Variants in LRRC4C observed in about 807,000 individuals in gnomAD.
LRRC4C encodes leucine-rich repeat-containing protein 4C.
A neutral mutation model predicts 33.6 loss-of-function variants in LRRC4C; 5 were observed. The observed-to-expected ratio is 0.15, with a 90% confidence interval of 0.08 to 0.31. LRRC4C has a LOEUF of 0.31. Ranked by LOEUF, LRRC4C falls within the 10% of genes least tolerant of loss-of-function variation. The probability of loss-of-function intolerance (pLI) is 1.00; values close to 1 mark genes in which losing one functional copy is unlikely to be tolerated. For missense variants in LRRC4C, 560 were observed against 796.7 expected, an observed-to-expected ratio of 0.70 and a Z score of 3.58; for synonymous variants, 329 against 302.0, an observed-to-expected ratio of 1.09 and a Z score of -0.93.
intron 1 of LRRC4C, among the ~76,000 whole-genome samples, chr11:41,051,543 A>AAAAAAAAAAAAAAAAAAAG (rs1858219454): frequency 9.2e-6 from 1 of 108,132 alleles, no homozygotes; most frequent in Non-Finnish European, 2.0e-5. Context: ...AAAAAAAAAA[A>AAAAAAAAAAAAAAAAAAAG]AAAAAAAAAA....
intron 1 of LRRC4C, among the ~76,000 whole-genome samples, chr11:41,211,025 G>A (rs1946799605): frequency 6.6e-6 from 1 of 152,148 alleles, no homozygotes; most frequent in East Asian, 1.9e-4. Flanking sequence ...AGGAGGCAGA[G>A]CTCTGGCAGC....
chr11:40,283,878 A>G (rs770111347), intron 4 of LRRC4C, among the ~76,000 whole-genome samples: 7 of 151,440 alleles, frequency 4.6e-5, no homozygotes, highest in Non-Finnish European at 7.4e-5. Flanking sequence ...TTCATTTTGC[A>G]TATTTAGTAG....
At chr11:40,675,948 A>G (rs1276794068) in intron 2 of LRRC4C, among the ~76,000 whole-genome samples, 1 of 152,188 alleles carries the variant, frequency 6.6e-6, no homozygotes, top group Non-Finnish European at 1.5e-5. Context: ...AAGTATAGTA[A>G]CTATGGTCTT....
At chr11:40,525,925 G>C (rs540384747) in intron 3 of LRRC4C, among the ~76,000 whole-genome samples, 2 of 152,238 alleles carry the variant, frequency 1.3e-5, no homozygotes, top group East Asian at 3.9e-4. Context: ...GACTAGAACA[G>C]ATTCACACAT....
At chr11:41,025,625 G>A (rs1423158629) in intron 1 of LRRC4C, among the ~76,000 whole-genome samples, 2 of 151,836 alleles carry the variant, frequency 1.3e-5, no homozygotes, top group African/African-American at 4.8e-5. Flanking sequence ...AAAAGTGCAA[G>A]GTGAAGCAGC....
intron 2 of LRRC4C, among the ~76,000 whole-genome samples, chr11:40,901,186 C>A (rs1032322882): frequency 6.6e-6 from 1 of 152,056 alleles, no homozygotes; most frequent in Non-Finnish European, 1.5e-5. Context: ...CCTTGACGTG[C>A]AGAAGCCACA....
chr11:41,149,455 A>G lies in LRRC4C; in HGVS notation c.-495-215732T>C, dbSNP rs189809200. Reference sequence around the variant, plus strand: ...AACCCGGGAGGCGGAGCTTGCAGTGAGCCGAGATCCCGCCACTGCACTCCA... The same window carrying G: ...AACCCGGGAGGCGGAGCTTGCAGTGGGCCGAGATCCCGCCACTGCACTCCA... On this transcript the variant is annotated intron_variant, in intron 1 of 6. Transcript: ENST00000528697. 6.2e-3 allele frequency among the ~76,000 whole-genome samples: 909 copies of G among 145,498 alleles called. 15 individuals are homozygous for G. The highest frequency in any genetic ancestry group is 0.022 in the African/African-American group (861 of 39,116).
intron 3 of LRRC4C, among the ~76,000 whole-genome samples, chr11:40,533,657 A>G (rs1023072331): frequency 6.6e-6 from 1 of 152,090 alleles, no homozygotes; most frequent in Non-Finnish European, 1.5e-5. Context: ...CTCACCCTCT[A>G]TTTCCAGAGA....
chr11:41,279,428 A>ACACACCCCC (rs58139193), intron 1 of LRRC4C, among the ~76,000 whole-genome samples: 52 of 140,888 alleles, frequency 3.7e-4, no homozygotes, highest in Admixed American at 1.9e-3. Context: ...ACACACACAC[A>ACACACCCCC]CCGTGGCAAT....
At chr11:40,884,296 C>G (rs1326804252) in intron 2 of LRRC4C, among the ~76,000 whole-genome samples, 2 of 152,200 alleles carry the variant, frequency 1.3e-5, no homozygotes, top group South Asian at 2.1e-4. Flanking sequence ...GCTACATTTT[C>G]TTTATCCAGT....
intron 3 of LRRC4C, among the ~76,000 whole-genome samples, chr11:40,553,584 T>A (rs567516741): frequency 6.6e-6 from 1 of 152,230 alleles, no homozygotes; most frequent in East Asian, 1.9e-4. Context: ...AATGGTAATA[T>A]CAGTTATTTT....
chr11:40,479,955 A>C (rs1267006072), intron 3 of LRRC4C, among the ~76,000 whole-genome samples: 1 of 152,190 alleles, frequency 6.6e-6, no homozygotes, highest in Non-Finnish European at 1.5e-5. Flanking sequence ...CCTTGCTTCT[A>C]CTGGATGTAT....
chr11:40,513,248 C>CAAAAAAA (rs1171178910), intron 3 of LRRC4C, among the ~76,000 whole-genome samples: 11 of 54,976 alleles, frequency 2.0e-4, no homozygotes, highest in East Asian at 1.1e-3. Context: ...GACTCCGTCT[C>CAAAAAAA]AAAAAAAAAA....
At chr11:40,356,915 T>C (rs1003164402) in intron 3 of LRRC4C, among the ~76,000 whole-genome samples, 1 of 152,174 alleles carries the variant, frequency 6.6e-6, no homozygotes, top group African/African-American at 2.4e-5. Flanking sequence ...GAAAGGCTGT[T>C]ATTGTTCCAT....
rs563111513 is a variant in LRRC4C, at chr11:40,230,358, C to A, written c.-96+11161G>T. ...CTGCTGCCTAGCAACTTGAAAATTGCCTTCTTATCCCACTAATTTGGGGTA... is the reference window on the plus strand; with the variant it reads ...CTGCTGCCTAGCAACTTGAAAATTGACTTCTTATCCCACTAATTTGGGGTA... On this transcript the variant is annotated intron_variant, in intron 5 of 6. Coordinates refer to ENST00000528697, the MANE Select transcript of LRRC4C (RefSeq NM_001258419.2). Among the ~76,000 whole-genome samples the A allele has an allele frequency of 2.0e-5, 3 of 152,274 alleles. No individual in the cohort carries two copies. In the East Asian group the frequency reaches 5.8e-4, roughly 29 times the overall value.
chr11:40,627,324 C>A (rs1409049884), intron 3 of LRRC4C, among the ~76,000 whole-genome samples: 1 of 151,066 alleles, frequency 6.6e-6, no homozygotes, highest in African/African-American at 2.4e-5. Context: ...TTAAATGAGG[C>A]AGAGGAAATA....
intron 5 of LRRC4C, among the ~76,000 whole-genome samples, chr11:40,222,337 G>A (rs905669249): frequency 2.0e-5 from 3 of 152,048 alleles, no homozygotes; most frequent in Admixed American, 2.0e-4. Context: ...TAAGATAGAG[G>A]ACAACTCATA....
chr11:40,672,308 G>A (rs80295056), intron 2 of LRRC4C, among the ~76,000 whole-genome samples: 5,011 of 152,106 alleles, frequency 0.033, 270 homozygotes, highest in African/African-American at 0.11. Flanking sequence ...TCCATGAGAC[G>A]TCCATCCTTA....
chr11:41,380,222 T>C (rs1170452805), intron 1 of LRRC4C, among the ~76,000 whole-genome samples: 1 of 152,192 alleles, frequency 6.6e-6, no homozygotes, highest in African/African-American at 2.4e-5. Flanking sequence ...ATATAACAGA[T>C]TCTATGTTTT....
Sources: gnomAD v4.1 joint callset for allele counts (sites outside exome capture counted in the v4.1 genomes callset) on GRCh38, gnomAD v4.1.1 for gene constraint, MANE v1.5 for transcripts, NCBI Gene and HGNC (gene_info 2026-07-23, HGNC 2026-07-21) for gene names.